Variants in NWD2 observed in about 807,000 individuals in gnomAD.
The protein encoded by NWD2 is NACHT and WD repeat domain-containing protein 2.
Under a neutral mutation model 132.7 loss-of-function variants are expected in NWD2, and 37 were observed. The ratio of observed to expected loss-of-function variants is 0.28; its 90% CI spans 0.21 to 0.37. NWD2 has a LOEUF of 0.37. Ranked by LOEUF, NWD2 falls within the 10% of genes least tolerant of loss-of-function variation. The probability of loss-of-function intolerance (pLI) is 1.00; values close to 1 mark genes in which losing one functional copy is unlikely to be tolerated. For missense variants in NWD2, 1,592 were observed against 2,122.4 expected (o/e 0.75, Z 4.91); for synonymous variants, 705 against 803.0 (o/e 0.88, Z 2.06).
chr4:37,255,471 G>T (rs1249172524), intron 1 of NWD2, among the ~76,000 whole-genome samples: 1 of 152,222 alleles, frequency 6.6e-6, no homozygotes, highest in African/African-American at 2.4e-5. Context: ...GAGCCTGATA[G>T]AATCTGAAGG....
At chr4:37,276,477 CT>C (rs1401752822) in intron 1 of NWD2, among the ~76,000 whole-genome samples, 1 of 152,118 alleles carries the variant, frequency 6.6e-6, no homozygotes, top group Non-Finnish European at 1.5e-5. Context: ...AATAGGAACA[CT>C]TTTACACTGT....
intron 3 of NWD2, among the ~76,000 whole-genome samples, chr4:37,388,845 C>G (rs1720625446): frequency 6.6e-6 from 1 of 150,932 alleles, no homozygotes; most frequent in Non-Finnish European, 1.5e-5. Flanking sequence ...TCCATTACCC[C>G]AGACACTCTG....
At chr4:37,312,342 C>T (rs1053704378) in intron 1 of NWD2, among the ~76,000 whole-genome samples, 3 of 150,782 alleles carry the variant, frequency 2.0e-5, no homozygotes, top group African/African-American at 7.5e-5. Flanking sequence ...AGAGGTCCTT[C>T]ACATCCTTTG....
At chr4:37,331,728 T>C (rs1372431204) in intron 2 of NWD2, among the ~76,000 whole-genome samples, 1 of 152,082 alleles carries the variant, frequency 6.6e-6, no homozygotes, top group Non-Finnish European at 1.5e-5. Flanking sequence ...AAAAATCAGG[T>C]GAGTGATCCC....
In NWD2 at chr4:37,446,835, A is replaced by G; in HGVS notation, c.4847A>G (p.Tyr1616Cys). ...DGKNIGACSL[Y>C]KTPTFLALSQ... ...AAAAATATCGGTGCTTGTTCCCTTT[A>G]CAAAACACCAACTTTCCTTGCACTC... Residue 1616 changes from tyrosine to cysteine, a missense_variant, in exon 7 of 7, where the codon TAC (tyrosine) becomes TGC (cysteine). By Grantham distance (194) the Tyr-to-Cys change is radical. Coordinates refer to ENST00000309447, the MANE Select transcript of NWD2 (RefSeq NM_001144990.2). The surrounding 1 kb of genome is among the most constrained non-coding windows in gnomAD (Gnocchi z 6.7). The G allele has an allele frequency of 6.4e-7, 1 of 1,551,938 alleles. No individual in the cohort carries two copies. Among genetic ancestry groups the G allele is most frequent in the Non-Finnish European group, 8.7e-7 (1 of 1,147,046 alleles).
At chr4:37,359,818 T>G (rs1408042138) in intron 3 of NWD2, among the ~76,000 whole-genome samples, 1 of 151,926 alleles carries the variant, frequency 6.6e-6, no homozygotes, top group African/African-American at 2.4e-5. Context: ...TCCACTGACA[T>G]GCAAGCTGTG....
At chr4:37,414,057 A>G (rs1020840420) in intron 3 of NWD2, among the ~76,000 whole-genome samples, 2 of 152,078 alleles carry the variant, frequency 1.3e-5, no homozygotes, top group South Asian at 4.2e-4. Flanking sequence ...CCACCATGGC[A>G]TGTGTATACC....
chr4:37,261,253 A>G (rs117704869), intron 1 of NWD2, among the ~76,000 whole-genome samples: 1 of 152,304 alleles, frequency 6.6e-6, no homozygotes, highest in East Asian at 1.9e-4. Flanking sequence ...GCATTAAACA[A>G]AGGCTCATCT....
intron 3 of NWD2, among the ~76,000 whole-genome samples, chr4:37,382,945 T>C (rs7687249): frequency 0.96 from 146,505 of 152,026 alleles, 70,830 homozygotes; most frequent in East Asian, 1. Context: ...CCACCCACCT[T>C]GACCTCCCAA....
At chr4:37,321,386 C>T (rs1328776590) in intron 1 of NWD2, among the ~76,000 whole-genome samples, 2 of 152,152 alleles carry the variant, frequency 1.3e-5, no homozygotes, top group Admixed American at 6.5e-5. Context: ...GACTCAGACA[C>T]TGTACAGAGA....
chr4:37,347,576 A>G (rs989197032), intron 2 of NWD2, among the ~76,000 whole-genome samples: 4 of 152,158 alleles, frequency 2.6e-5, no homozygotes, highest in Non-Finnish European at 5.9e-5. Flanking sequence ...ATTTATACCA[A>G]TTTAATTCTA....
intron 3 of NWD2, among the ~76,000 whole-genome samples, chr4:37,373,194 G>A (rs1471438602): frequency 2.0e-5 from 3 of 152,136 alleles, no homozygotes; most frequent in South Asian, 2.1e-4. Flanking sequence ...GTCCCATTTC[G>A]CAGATAAGGA....
chr4:37,300,245 C>T (rs909693859), intron 1 of NWD2, among the ~76,000 whole-genome samples: 1 of 152,060 alleles, frequency 6.6e-6, no homozygotes, highest in Admixed American at 6.6e-5. Context: ...CCATCTTGCC[C>T]GATTATATCA....
At position 37,444,155 on chromosome 4, in the gene NWD2, C is replaced by T; in HGVS notation, c.2167C>T (p.His723Tyr). ...EGLSGYLIER[H>Y]VKNVTLLVWA... Reference sequence around the variant, plus strand: ...TCTCAGTGGATACCTAATAGAAAGACATGTGAAAAATGTCACACTCCTAGT... The same window carrying T: ...TCTCAGTGGATACCTAATAGAAAGATATGTGAAAAATGTCACACTCCTAGT... The change falls in exon 7 of 7, where the codon CAT becomes TAT. Residue 723 changes from histidine (H) to tyrosine (Y), a missense_variant. Transcript: ENST00000309447. The surrounding 1 kb of genome is among the most constrained non-coding windows in gnomAD (Gnocchi z 4.8). The T allele has an allele frequency of 1.9e-6, 3 of 1,551,734 alleles. No individual in the cohort carries two copies. The South Asian group carries it at 3.6e-5, about 18-fold the overall frequency.
At chr4:37,272,273 A>G (rs1614860) in intron 1 of NWD2, among the ~76,000 whole-genome samples, 126,254 of 151,530 alleles carry the variant, frequency 0.83, 53,256 homozygotes, top group African/African-American at 0.92. Context: ...TTCTCATAAT[A>G]TGTTTGTCTG....
intron 1 of NWD2, among the ~76,000 whole-genome samples, chr4:37,266,769 C>G (rs1717760305): frequency 6.6e-6 from 1 of 151,996 alleles, no homozygotes; most frequent in Admixed American, 6.6e-5. Context: ...TGCTGACATA[C>G]TGAGTTCTTA....
chr4:37,247,833 C>A (rs773940458), intron 1 of NWD2, among the ~76,000 whole-genome samples: 1 of 152,180 alleles, frequency 6.6e-6, no homozygotes, highest in African/African-American at 2.4e-5. Flanking sequence ...TGGTCTCAAA[C>A]TCCTGACCTC....
At chr4:37,416,775 AG>A (rs1383056925) in intron 3 of NWD2, among the ~76,000 whole-genome samples, 3 of 152,260 alleles carry the variant, frequency 2.0e-5, no homozygotes, top group Admixed American at 2.0e-4. Context: ...AGCTATAAAA[AG>A]GAATGAAATA....
At chr4:37,280,816 G>A (rs781504760) in intron 1 of NWD2, among the ~76,000 whole-genome samples, 4 of 152,174 alleles carry the variant, frequency 2.6e-5, no homozygotes, top group African/African-American at 4.8e-5. Context: ...TACAGAATTA[G>A]AGAAAGCACC....
Sources: allele counts gnomAD v4.1 joint callset (sites outside exome capture counted in the v4.1 genomes callset), GRCh38; gene constraint gnomAD v4.1.1; non-coding constraint Gnocchi (gnomAD v3.1); transcripts MANE v1.5; gene names NCBI Gene and HGNC (gene_info 2026-07-23, HGNC 2026-07-21).